STK39: variants seen among roughly 807,000 people sequenced by gnomAD.
STK39 encodes the protein STE20/SPS1-related proline-alanine-rich protein kinase.
In STK39, 20 loss-of-function variants were observed where a neutral mutation model predicts 77.8. The observed-to-expected ratio is 0.26, with a 90% CI of 0.18 to 0.37. The LOEUF is 0.37. STK39 is among the 10% of genes least tolerant of loss of function. STK39 has a pLI of 1.00. For synonymous variants in STK39, 246 were observed against 234.1 expected, an observed-to-expected ratio of 1.05 and a Z score of -0.47; for missense variants, 479 against 656.5, an observed-to-expected ratio of 0.73 and a Z score of 2.95.
At chr2:168,074,952 C>G in intron 12 of STK39, 30 bp downstream of exon 12, 1 of 1,609,444 alleles carries the variant, frequency 6.2e-7, no homozygotes, top group Non-Finnish European at 8.5e-7. Context: ...AATGAAATGG[C>G]AAAATAATAA....
chr2:168,159,759 C>T (rs1363880987), intron 5 of STK39, among the ~76,000 whole-genome samples: 3 of 152,140 alleles, frequency 2.0e-5, no homozygotes, highest in Non-Finnish European at 4.4e-5. Context: ...ATTACACAAG[C>T]ATGAAGTCGC....
intron 16 of STK39, among the ~76,000 whole-genome samples, chr2:167,966,889 C>T (rs1692173747): frequency 6.6e-6 from 1 of 152,208 alleles, no homozygotes; most frequent in Non-Finnish European, 1.5e-5. Context: ...TATAAAACAC[C>T]TTCATTTAAC....
chr2:168,086,985 A>T (rs1686384867), intron 10 of STK39, among the ~76,000 whole-genome samples: 1 of 152,252 alleles, frequency 6.6e-6, no homozygotes, highest in Non-Finnish European at 1.5e-5. Context: ...CAATTTTGTA[A>T]CTATTGTCTT....
At chr2:168,009,708 G>C (rs1349627768) in intron 16 of STK39, among the ~76,000 whole-genome samples, 2 of 152,074 alleles carry the variant, frequency 1.3e-5, no homozygotes. Context: ...GCATTTTTAA[G>C]TGCTACTATA....
intron 16 of STK39, among the ~76,000 whole-genome samples, chr2:167,978,171 G>A (rs980285222): frequency 1.3e-5 from 2 of 152,148 alleles, no homozygotes; most frequent in Non-Finnish European, 2.9e-5. Context: ...ATTTTGGGGT[G>A]GTTCAGACTC....
chr2:168,186,784 T>G (rs1211237610), intron 1 of STK39, among the ~76,000 whole-genome samples: 1 of 152,160 alleles, frequency 6.6e-6, no homozygotes, highest in African/African-American at 2.4e-5. Context: ...ATATCTACTG[T>G]TTATATGGCA....
At chr2:168,242,578 TATATATATATATATATATAA>T (rs1558894006) in intron 1 of STK39, among the ~76,000 whole-genome samples, 1,280 of 90,712 alleles carry the variant, frequency 0.014, 37 homozygotes, top group African/African-American at 0.047. Context: ...TATATATATA[TATATATATATATATATATAA>T]AGAGGCCAGG....
chr2:168,134,470 CT>C (rs1435622985), intron 8 of STK39, among the ~76,000 whole-genome samples: 1 of 149,582 alleles, frequency 6.7e-6, no homozygotes, highest in Non-Finnish European at 1.5e-5. Flanking sequence ...AGTCATATTC[CT>C]TTCTTAAGGA....
At chr2:167,992,145 C>G (rs570860107) in intron 16 of STK39, among the ~76,000 whole-genome samples, 1 of 152,116 alleles carries the variant, frequency 6.6e-6, no homozygotes, top group Non-Finnish European at 1.5e-5. Flanking sequence ...TAACATAACT[C>G]AGTTGGAGAA....
chr2:167,964,375 AC>A (rs1190842433), intron 17 of STK39: 1 of 321,038 alleles, frequency 3.1e-6, no homozygotes, highest in African/African-American at 2.2e-5. Flanking sequence ...AAGTTGCAAT[AC>A]AAACTGCAAG....
intron 1 of STK39, among the ~76,000 whole-genome samples, chr2:168,235,769 A>G (rs1361717267): frequency 1.3e-5 from 2 of 151,826 alleles, no homozygotes; most frequent in Admixed American, 6.6e-5. Flanking sequence ...CCATGTCCCT[A>G]CAAAGGACAT....
Position 167,955,499 on chromosome 2 carries a change from G to T in STK39, c.1635C>A (p.Ser545Arg), listed in dbSNP as rs1318020616. ...GGGTGACATCAAGGGACATACATCA[G>T]CTGACACTCAACTGAGCAAACCCAA... ...KLIGFAQLSV[S>R] Residue 545 changes from serine to arginine, a missense_variant, in exon 18 of 18, where the codon AGC becomes AGA. This residue lies in a region of STK39 where 244 missense variants were observed against 296.8 expected (regional missense o/e 0.82). Coordinates refer to ENST00000355999, the MANE Select transcript of STK39 (RefSeq NM_013233.3). 6.2e-7 allele frequency: 1 copy of T among 1,613,756 alleles called. No homozygotes were observed. Among genetic ancestry groups the T allele is most frequent in the East Asian group, 2.2e-5 (1 of 44,874 alleles).
At chr2:168,220,984 T>C (rs967667511) in intron 1 of STK39, among the ~76,000 whole-genome samples, 1 of 152,182 alleles carries the variant, frequency 6.6e-6, no homozygotes, top group Non-Finnish European at 1.5e-5. Context: ...ATAATGGTGA[T>C]TCCTCTTGTT....
At chr2:168,214,385 G>A (rs955153360) in intron 1 of STK39, among the ~76,000 whole-genome samples, 1 of 152,066 alleles carries the variant, frequency 6.6e-6, no homozygotes, top group African/African-American at 2.4e-5. Context: ...TTTATATTCT[G>A]GATAGTGTAT....
intron 10 of STK39, among the ~76,000 whole-genome samples, chr2:168,109,585 T>C (rs1483371408): frequency 3.3e-5 from 5 of 152,162 alleles, no homozygotes; most frequent in Non-Finnish European, 5.9e-5. Flanking sequence ...AAGCGTAAAA[T>C]TGTGGGGCTA....
chr2:168,141,427 A>G (rs1687981526), intron 5 of STK39, among the ~76,000 whole-genome samples: 1 of 152,212 alleles, frequency 6.6e-6, no homozygotes. Flanking sequence ...CAGAATTTGG[A>G]ACATTTGAGA....
Position 168,063,516 on chromosome 2 carries a change from GGT to G in STK39, c.1358_1359del (p.Asn453ThrfsTer13), listed in dbSNP as rs1559079433. 1 of 1,612,828 alleles carries G rather than the reference GGT, an allele frequency of 6.2e-7. No individual in the cohort carries two copies. Among genetic ancestry groups the G allele is most frequent in the East Asian group, 2.2e-5 (1 of 44,842 alleles). The stretch of plus-strand genomic sequence containing the variant: ...ATTATTTACCTTAATCTCAAAACGA[GGT>G]TCACGGCACAAGAAGAAGCTTCTCT... ...DYREASSCAV[N>X]LVLRLRNSRK... On this transcript the variant is annotated frameshift_variant, in exon 14 of 18. Coordinates refer to ENST00000355999, the MANE Select transcript of STK39 (RefSeq NM_013233.3). LOFTEE classifies it high-confidence loss of function.
intron 1 of STK39, among the ~76,000 whole-genome samples, chr2:168,246,328 G>A (rs543366828): frequency 2.0e-5 from 3 of 152,308 alleles, no homozygotes; most frequent in African/African-American, 7.2e-5. Context: ...CAAGTGCTTG[G>A]CCCAAGGAAA....
intron 10 of STK39, among the ~76,000 whole-genome samples, chr2:168,099,005 T>A (rs912878556): frequency 4.6e-5 from 7 of 152,134 alleles, no homozygotes; most frequent in Non-Finnish European, 1.0e-4. Context: ...GGAGGAGAGA[T>A]CATGTGGAGA....
Sources: allele counts gnomAD v4.1 joint callset (sites outside exome capture counted in the v4.1 genomes callset), GRCh38; gene constraint gnomAD v4.1.1; regional missense constraint gnomAD v4.1.1; transcripts MANE v1.5; gene names NCBI Gene and HGNC (gene_info 2026-07-23, HGNC 2026-07-21).